Variants in MTAP observed in about 807,000 individuals in gnomAD.
MTAP encodes S-methyl-5'-thioadenosine phosphorylase.
MTAP carries 33 observed loss-of-function variants against 33.6 expected under a neutral mutation model. The observed-to-expected ratio is 0.98, with a 90% CI of 0.74 to 1.31. The LOEUF (loss-of-function observed/expected upper bound fraction) is 1.31. Ranked by LOEUF, MTAP falls within the 40% of genes most tolerant of loss-of-function variation. The probability of loss-of-function intolerance (pLI) is 0.00; values close to 1 mark genes in which losing one functional copy is unlikely to be tolerated. For missense variants in MTAP, 367 were observed against 360.0 expected (o/e 1.02, Z -0.16); for synonymous variants, 148 against 125.7 (o/e 1.18, Z -1.19).
intron 4 of MTAP, among the ~76,000 whole-genome samples, chr9:21,820,282 C>A (rs1824599053): frequency 6.6e-6 from 1 of 152,150 alleles, no homozygotes; most frequent in Non-Finnish European, 1.5e-5. Context: ...TTAGGTCTAA[C>A]ATTTAAGTCT....
chr9:21,895,188 T>C (rs1027104376), intron 1 of MTAP, among the ~76,000 whole-genome samples: 1 of 152,132 alleles, frequency 6.6e-6, no homozygotes, highest in Admixed American at 6.5e-5. Context: ...CTAAAATTCA[T>C]ACAGAACATG....
At chr9:21,819,138 T>TA (rs1824563666) in intron 4 of MTAP, among the ~76,000 whole-genome samples, 1 of 22,226 alleles carries the variant, frequency 4.5e-5, no homozygotes, top group Non-Finnish European at 7.6e-5. Context: ...CCACATTTTC[T>TA]TTTTTTTTTT....
At chr9:21,892,226 C>T (rs1247857472) in intron 1 of MTAP, 2 of 152,062 alleles carry the variant, frequency 1.3e-5, no homozygotes, top group Non-Finnish European at 2.9e-5. Context: ...GTTTGCATAG[C>T]CACCAGCTAA....
At chr9:21,838,860 A>G (rs886445450) in intron 5 of MTAP, among the ~76,000 whole-genome samples, 1 of 152,228 alleles carries the variant, frequency 6.6e-6, no homozygotes, top group Non-Finnish European at 1.5e-5. Context: ...TGCTTCATAA[A>G]ATCTCCCTTA....
Position 21,901,835 on chromosome 9 carries a change from A to T in MTAP, c.148-29173A>T, listed in dbSNP as rs1243306363. 2.0e-5 allele frequency among the ~76,000 whole-genome samples: 3 copies of T among 152,326 alleles called. No individual in the cohort carries two copies. In the East Asian group the frequency reaches 5.8e-4, roughly 29 times the overall value. On this transcript the variant is annotated intron_variant, in intron 1 of 1. Coordinates refer to the MTAP transcript ENST00000577563. ...AATAAATTTAAAACAGTGAAGAAAA[A>T]CAGAAGTAAGCTAGTTTTACTGATT...
At chr9:21,811,991 C>T (rs1406514970) in intron 1 of MTAP, 2 of 299,086 alleles carry the variant, frequency 6.7e-6, no homozygotes, top group Non-Finnish European at 1.3e-5. Flanking sequence ...CCTTCATGGA[C>T]ATGTGGCCCC....
rs1825765650 is a variant in MTAP, at chr9:21,862,027, G to A, written c.*13G>A. 1.2e-6 allele frequency: 2 copies of A among 1,612,120 alleles called. No individual in the cohort carries two copies. Among genetic ancestry groups the A allele is most frequent in the South Asian group, 1.1e-5 (1 of 90,646 alleles). ...ACCAAGACATTAAAGTAGCATGGCTGCCCAGGAGAAAAGAAGACATTCTAA... is the reference window on the plus strand; with the variant it reads ...ACCAAGACATTAAAGTAGCATGGCTACCCAGGAGAAAAGAAGACATTCTAA... On this transcript the variant is annotated 3_prime_UTR_variant, in exon 8 of 8. Transcript: ENST00000644715.
At chr9:21,855,335 G>A (rs1014651832) in intron 6 of MTAP, among the ~76,000 whole-genome samples, 1 of 152,208 alleles carries the variant, frequency 6.6e-6, no homozygotes, top group Admixed American at 6.5e-5. Context: ...TTAAGGAGCC[G>A]ACATTCTGTC....
At chr9:21,813,455 T>G (rs1824401258) in intron 1 of MTAP, among the ~76,000 whole-genome samples, 1 of 152,172 alleles carries the variant, frequency 6.6e-6, no homozygotes, top group African/African-American at 2.4e-5. Context: ...AGACTGAAGC[T>G]TGGGGTTGCT....
chr9:21,891,465 G>C (rs1055005151), intron 1 of MTAP, among the ~76,000 whole-genome samples: 15 of 152,136 alleles, frequency 9.9e-5, no homozygotes, highest in Non-Finnish European at 1.9e-4. Context: ...ATCTGATAGA[G>C]CTGAAAAACT....
At position 21,859,487 on chromosome 9, in the gene MTAP, C is replaced by T. The variant is rs574905831; in HGVS notation, c.813+62C>T. On this transcript the variant is annotated intron_variant, in intron 7 of 7. Transcript: ENST00000644715. ...GACTCTCTATTGTCTTCTTTTCTTACTTGCATTTCACCTTTGGTCCTCATG... is the reference window on the plus strand; with the variant it reads ...GACTCTCTATTGTCTTCTTTTCTTATTTGCATTTCACCTTTGGTCCTCATG... 4.0e-5 allele frequency: 61 copies of T among 1,518,974 alleles called. 1 individual carries two copies. In the South Asian group the frequency reaches 7.7e-4, roughly 19 times the overall value. 94.1% of individuals were successfully genotyped at this position (1,518,974 alleles called of 1,614,324 possible).
At chr9:21,852,798 T>TA (rs1825549077) in intron 5 of MTAP, among the ~76,000 whole-genome samples, 1 of 152,000 alleles carries the variant, frequency 6.6e-6, no homozygotes, top group African/African-American at 2.4e-5. Context: ...CATGTACAAA[T>TA]ACGTGTTCCA....
intron 1 of MTAP, among the ~76,000 whole-genome samples, chr9:21,813,347 G>C (rs1824399095): frequency 6.6e-6 from 1 of 152,212 alleles, no homozygotes; most frequent in African/African-American, 2.4e-5. Flanking sequence ...CAGAGCAGTA[G>C]CCACTCTTGC....
chr9:21,887,816 T>C lies in MTAP; in HGVS notation c.147+32946T>C, dbSNP rs553087742. 2.6e-5 allele frequency among the ~76,000 whole-genome samples: 4 copies of C among 152,326 alleles called. No homozygotes were observed. The East Asian group carries it at 7.7e-4, about 29-fold the overall frequency. On this transcript the variant is annotated intron_variant, in intron 1 of 1. Coordinates refer to the MTAP transcript ENST00000577563. ...TCTATGATTTCTTTCAGCAGTGTTT[T>C]GTAGTTTTCCTTGTAGAGAGCTTTC...
At chr9:21,897,693 CAAG>C (rs1818319408) in intron 1 of MTAP, among the ~76,000 whole-genome samples, 1 of 152,274 alleles carries the variant, frequency 6.6e-6, no homozygotes, top group Non-Finnish European at 1.5e-5. Flanking sequence ...AGGACCTCTT[CAAG>C]AAGAACTAGA....
At chr9:21,852,483 G>A (rs554444479) in intron 5 of MTAP, among the ~76,000 whole-genome samples, 11 of 148,604 alleles carry the variant, frequency 7.4e-5, no homozygotes, top group Non-Finnish European at 1.3e-4. Flanking sequence ...GCATTCCAGC[G>A]TGGGCGACAG....
chr9:21,845,237 A>T (rs1825349416), intron 5 of MTAP, among the ~76,000 whole-genome samples: 1 of 152,220 alleles, frequency 6.6e-6, no homozygotes, highest in Non-Finnish European at 1.5e-5. Context: ...GAGGAAGTCA[A>T]ACTGTTGCTG....
chr9:21,884,764 A>G (rs1217547123), intron 1 of MTAP, among the ~76,000 whole-genome samples: 4 of 152,136 alleles, frequency 2.6e-5, no homozygotes, highest in African/African-American at 9.7e-5. Flanking sequence ...CCACCTTTGA[A>G]TACCATCTCA....
chr9:21,816,893 T>C (rs779296026), intron 3 of MTAP, 121 bp downstream of exon 3: 93 of 764,086 alleles, frequency 1.2e-4, no homozygotes, highest in Non-Finnish European at 1.7e-4. Flanking sequence ...CAGAACATCT[T>C]AGTAACCTTT....
Sources: allele counts gnomAD v4.1 joint callset (sites outside exome capture counted in the v4.1 genomes callset), GRCh38; gene constraint gnomAD v4.1.1; transcripts MANE v1.5; gene names NCBI Gene and HGNC (gene_info 2026-07-23, HGNC 2026-07-21).